POLRMT: variants seen among roughly 807,000 people sequenced by gnomAD.
POLRMT encodes DNA-directed RNA polymerase, mitochondrial.
A neutral mutation model predicts 132.2 loss-of-function variants in POLRMT; 114 were observed. The ratio of observed to expected loss-of-function variants is 0.86; its 90% CI spans 0.74 to 1.01. The LOEUF (loss-of-function observed/expected upper bound fraction) is 1.01. Ranked by LOEUF, POLRMT falls within the 50% of genes least tolerant of loss-of-function variation. The probability of loss-of-function intolerance (pLI) is 0.00; values close to 1 mark genes in which losing one functional copy is unlikely to be tolerated. For synonymous variants in POLRMT, 1,020 were observed against 773.4 expected, an observed-to-expected ratio of 1.32 and a Z score of -5.29; for missense variants, 2,003 against 1,729.1, an observed-to-expected ratio of 1.16 and a Z score of -2.81.
chr19:632,353 C>T (rs1482837860), intron 2 of POLRMT, among the ~76,000 whole-genome samples: 1 of 152,180 alleles, frequency 6.6e-6, no homozygotes, highest in African/African-American at 2.4e-5. Context: ...CTCCCACCTC[C>T]CTCCCACACC....
Position 621,786 on chromosome 19 carries a change from T to G in POLRMT, c.1912A>C (p.Thr638Pro), listed in dbSNP as rs2144621339. ...ACATCCACCGCCTCGAAGGTCAGCG[T>G]GGGCTCCGCGGCCTTCTCCAGCAGC... Reference protein sequence around the residue: ...VQLLEKAAEPTLTFEAVDVPM... With the variant: ...VQLLEKAAEPPLTFEAVDVPM... Residue 638 changes from threonine (T) to proline (P), a missense_variant, in exon 10 of 21, where the codon ACG becomes CCG. By Grantham distance (38) the Thr-to-Pro change is conservative (BLOSUM62 -1). Coordinates refer to ENST00000588649, the MANE Select transcript of POLRMT (RefSeq NM_005035.4). 6.2e-7 allele frequency: 1 copy of G among 1,602,244 alleles called. No homozygotes were observed. Among genetic ancestry groups the G allele is most frequent in the Non-Finnish European group, 8.5e-7 (1 of 1,179,828 alleles).
rs774422457 is a variant in POLRMT at position 624,699 on chromosome 19, C to T, written c.1140+20G>A. ...GGCAGCTATAAGGACTGAAGTCTGC[C>T]GGGGCCCACGTGGGCTCACCTTGGC... On this transcript the variant is annotated intron_variant, in intron 5 of 20. Coordinates refer to ENST00000588649, the MANE Select transcript of POLRMT (RefSeq NM_005035.4). 3.1e-6 allele frequency: 5 copies of T among 1,605,232 alleles called. No homozygotes were observed. In the Admixed American group the frequency reaches 5.0e-5, roughly 16 times the overall value.
At position 619,278 on chromosome 19, in the gene POLRMT, A is replaced by G. The variant is rs1385423677; in HGVS notation, c.3085T>C (p.Ser1029Pro). The change falls in exon 14 of 21, where the codon TCT becomes CCT. Residue 1029 changes from serine to proline, a missense_variant. Coordinates refer to ENST00000588649, the MANE Select transcript of POLRMT (RefSeq NM_005035.4). ...AAGACCTGGCGTACGAGATAGTGAG[A>G]GGCCTCCCACACGAACTCCTGCAGA... is the stretch of plus-strand genomic sequence containing the variant. ...DFPQEFVWEA[S>P]HYLVRQVFKS... The G allele has an allele frequency of 1.9e-6, 3 of 1,607,120 alleles. No homozygotes were observed. Among genetic ancestry groups the G allele is most frequent in the East Asian group, 4.5e-5 (2 of 44,720 alleles).
At chr19:628,636 G>T (rs1418283434) in intron 3 of POLRMT, among the ~76,000 whole-genome samples, 2 of 151,338 alleles carry the variant, frequency 1.3e-5, no homozygotes, top group Non-Finnish European at 2.9e-5. Flanking sequence ...GATCATGGGG[G>T]GGGAGAAAGC....
chr19:632,408 C>T (rs934992705), intron 2 of POLRMT, among the ~76,000 whole-genome samples: 1 of 152,222 alleles, frequency 6.6e-6, no homozygotes, highest in Non-Finnish European at 1.5e-5. Context: ...GGAGCCTGGG[C>T]TGTCCCTCCC....
At chr19:631,652 T>C (rs534931546) in intron 2 of POLRMT, among the ~76,000 whole-genome samples, 3 of 152,126 alleles carry the variant, frequency 2.0e-5, no homozygotes, top group African/African-American at 4.8e-5. Flanking sequence ...AAAAAAAAAT[T>C]GCTGAAATAA....
At chr19:629,449 G>C in intron 3 of POLRMT, 91 bp downstream of exon 3, 1 of 1,243,140 alleles carries the variant, frequency 8.0e-7, no homozygotes, top group Non-Finnish European at 1.1e-6. Flanking sequence ...ACTTGAACCT[G>C]GGGGCTAAGA....
chr19:619,534 T>C, intron 13 of POLRMT, 52 bp downstream of exon 13: 1 of 1,601,678 alleles, frequency 6.2e-7, no homozygotes, highest in Non-Finnish European at 8.5e-7. Flanking sequence ...CCCGTCTGAG[T>C]TTTAAATGGC....
Position 621,720 on chromosome 19 carries a change from A to G in POLRMT, c.1978T>C (p.Ser660Pro). Residue 660 changes from serine (S) to proline (P), a missense_variant, in exon 10 of 21, where the codon TCT (serine) becomes CCT (proline). By Grantham distance (74) the Ser-to-Pro change is moderately conservative. Transcript: ENST00000588649. ...GTGGGGCTGAGCAGGAAAGCACCAGAGTGCGGCGATGTCCAGGGCAGCGGG... is the reference window on the plus strand; with the variant it reads ...GTGGGGCTGAGCAGGAAAGCACCAGGGTGCGGCGATGTCCAGGGCAGCGGG... ...CPPLPWTSPH[S>P]GAFLLSPTKL... is the part of the protein sequence containing the mutation. 6.3e-7 allele frequency: 1 copy of G among 1,596,258 alleles called. No individual in the cohort carries two copies. Among genetic ancestry groups the G allele is most frequent in the Non-Finnish European group, 8.5e-7 (1 of 1,176,322 alleles).
Position 621,271 on chromosome 19 carries a change from G to A in POLRMT, c.2427C>T (p.Cys809=), listed in dbSNP as rs753698689. ...TGCCCAGGTGGTTGAAGTGCGGCGG[G>A]CAGGGGTAGGTGCGGCCGCGGAAGT... ...NMDFRGRTYP[C]PPHFNHLGSD... is the part of the protein sequence containing the mutation. Residue 809 remains cysteine (C), a synonymous_variant, in exon 10 of 21, where the codon TGC becomes TGT. Coordinates refer to ENST00000588649, the MANE Select transcript of POLRMT (RefSeq NM_005035.4). 1.7e-5 allele frequency: 28 copies of A among 1,607,244 alleles called. No homozygotes were observed. Among genetic ancestry groups the A allele is most frequent in the Non-Finnish European group, 2.3e-5 (27 of 1,177,944 alleles).
chr19:624,642 G>C, intron 5 of POLRMT, 77 bp downstream of exon 5: 3 of 1,507,218 alleles, frequency 2.0e-6, no homozygotes, highest in Admixed American at 1.9e-5. Flanking sequence ...GAGGCCCATT[G>C]GTCTGAGCTG....
rs752592879 is a variant in POLRMT, at chr19:619,603, G to A, written c.3049C>T (p.Leu1017=). 56 of 1,611,050 alleles carry A rather than the reference G, an allele frequency of 3.5e-5. 1 individual carries two copies. The South Asian group carries it at 6.0e-4, about 17-fold the overall frequency. The change falls in exon 13 of 21, where the codon CTG becomes TTG. Residue 1017 remains leucine (L), a synonymous_variant. Transcript: ENST00000588649. ...RLQIEKRLRE[L]SDFPQEFVWE... is the part of the protein sequence containing the mutation. ...TGGCGCACCTGGGGAAAGTCGCTCA[G>A]CTCCCGGAGGCGCTTCTCAATCTGC...
In POLRMT at chr19:621,449, G is replaced by A. The variant is rs1248940235; in HGVS notation, c.2249C>T (p.Ala750Val). ...CAGCTCGGCCTTGCGGGCGGGCGCG[G>A]CGCTGTGCGGCAGGTGGGCCTCGGG... The part of the protein sequence containing the change: ...QPPEAHLPHS[A>V]APARKAELRR... The change falls in exon 10 of 21, where the codon GCC (alanine) becomes GTC (valine). Residue 750 changes from alanine (A) to valine (V), a missense_variant. Ala to Val is a moderately conservative substitution (Grantham distance 64). Transcript: ENST00000588649. 1.0e-5 allele frequency: 14 copies of A among 1,401,002 alleles called. No individual in the cohort carries two copies. Among genetic ancestry groups the A allele is most frequent in the South Asian group, 1.5e-5 (1 of 66,794 alleles). The allele number at this position is 1,401,002 out of a possible 1,614,324, so 86.8% of individuals were successfully genotyped here.
chr19:623,098 G>T, intron 6 of POLRMT, 113 bp from the exon 7 acceptor site: 2 of 1,320,244 alleles, frequency 1.5e-6, no homozygotes, highest in Non-Finnish European at 2.0e-6. Context: ...CAAGGTCCCT[G>T]CTGTGTGTTC....
At chr19:630,658 C>T (rs59163640) in intron 2 of POLRMT, among the ~76,000 whole-genome samples, 244 of 152,234 alleles carry the variant, frequency 1.6e-3, no homozygotes, top group African/African-American at 5.5e-3. Context: ...CCATGGCCTG[C>T]AAGTTCGCAC....
rs771386625 is a variant in POLRMT, at chr19:630,100, C to T, written c.262G>A (p.Val88Met). The T allele has an allele frequency of 1.7e-5, 27 of 1,613,470 alleles. No homozygotes were observed. The highest frequency in any genetic ancestry group is 2.3e-5 in the Non-Finnish European group (27 of 1,179,880). Residue 88 changes from valine (V) to methionine (M), a missense_variant, in exon 3 of 21, where the codon GTG (valine) becomes ATG (methionine). Val to Met is a conservative substitution (Grantham distance 21). Coordinates refer to ENST00000588649, the MANE Select transcript of POLRMT (RefSeq NM_005035.4). ...VSEVVVNRVD[V>M]ARLPECGSGD... is the part of the protein sequence containing the mutation. ...CTGCCACATTCTGGGAGCCGCGCCACATCCACCCTGTTCACCACCACCTCC... is the reference window on the plus strand; with the variant it reads ...CTGCCACATTCTGGGAGCCGCGCCATATCCACCCTGTTCACCACCACCTCC...
At chr19:629,019 C>G (rs1985218656) in intron 3 of POLRMT, among the ~76,000 whole-genome samples, 1 of 151,976 alleles carries the variant, frequency 6.6e-6, no homozygotes, top group Non-Finnish European at 1.5e-5. Context: ...AATAAATAAA[C>G]AAACAAAAAG....
In POLRMT at chr19:629,674, A is replaced by G. The variant is rs1175557230; in HGVS notation, c.688T>C (p.Phe230Leu). 2 of 1,609,936 alleles carry G rather than the reference A, an allele frequency of 1.2e-6. No individual in the cohort carries two copies. The highest frequency in any genetic ancestry group is 8.5e-7 in the Non-Finnish European group (1 of 1,179,328). ...SGQQQRLLAF[F>L]KCCLLTDQLP... ...TGGTCAGTGAGCAGGCAGCACTTGA[A>G]GAAGGCCAGGAGCCTCTGCTGCTGA... Residue 230 changes from phenylalanine (F) to leucine (L), a missense_variant, in exon 3 of 21, where the codon TTC becomes CTC. Physicochemically the swap from Phe to Leu is conservative, Grantham distance 22. Coordinates refer to ENST00000588649, the MANE Select transcript of POLRMT (RefSeq NM_005035.4).
rs1437629691 is a variant in POLRMT at position 619,785 on chromosome 19, G to C, written c.2887-20C>G. On this transcript the variant is annotated intron_variant, in intron 12 of 20. Transcript: ENST00000588649. ...CTCCACCTGCACGGCGGGTGGGCCGGGGGCGCGGGTCAGCCCCGCTAGCAG... is the reference window on the plus strand; with the variant it reads ...CTCCACCTGCACGGCGGGTGGGCCGCGGGCGCGGGTCAGCCCCGCTAGCAG... 2.6e-6 allele frequency: 4 copies of C among 1,554,210 alleles called. No individual in the cohort carries two copies. The highest frequency in any genetic ancestry group is 3.5e-6 in the Non-Finnish European group (4 of 1,150,550).
Sources: gnomAD v4.1 joint callset for allele counts (sites outside exome capture counted in the v4.1 genomes callset) on GRCh38, gnomAD v4.1.1 for gene constraint, MANE v1.5 for transcripts, NCBI Gene and HGNC (gene_info 2026-07-23, HGNC 2026-07-21) for gene names.